CCNB3: variants seen among roughly 807,000 people sequenced by gnomAD.
CCNB3 encodes G2/mitotic-specific cyclin-B3.
CCNB3 carries 12 observed loss-of-function variants against 68.0 expected under a neutral mutation model. The observed-to-expected ratio is 0.18, with a 90% confidence interval of 0.11 to 0.29. The LOEUF (loss-of-function observed/expected upper bound fraction) is 0.29. Among genes scored for constraint, CCNB3 ranks in the 10% least tolerant of loss-of-function variants. The pLI, the probability that CCNB3 is intolerant of heterozygous loss-of-function variation, is 1.00. For synonymous variants in CCNB3, 354 were observed against 388.9 expected (o/e 0.91, Z 1.06); for missense variants, 904 against 993.1 (o/e 0.91, Z 1.21).
intron 11 of CCNB3, among the ~76,000 whole-genome samples, chrX:50,350,805 C>T (rs186152601): frequency 2.9e-4 from 32 of 110,054 alleles, no homozygotes; most frequent in African/African-American, 1.0e-3. Context: ...AAGCAATCCT[C>T]CTGCCTCAGC....
intron 4 of CCNB3, among the ~76,000 whole-genome samples, chrX:50,293,947 C>T (rs1158239977): frequency 7.2e-5 from 8 of 110,484 alleles, no homozygotes; most frequent in Non-Finnish European, 1.3e-4. Context: ...ATTTTTAAAA[C>T]TTTTTTGAGA....
chrX:50,288,938 A>G (rs1455711301), intron 4 of CCNB3, 51 bp downstream of exon 4: 1 of 843,190 alleles, frequency 1.2e-6, no homozygotes, highest in African/African-American at 2.0e-5. Flanking sequence ...AGGCTTAGAC[A>G]TGCTGTTTCT....
At position 50,309,178 on chromosome X, in the gene CCNB3, C is replaced by T; in HGVS notation, c.1009C>T (p.His337Tyr). 8.3e-7 allele frequency: 1 copy of T among 1,210,296 alleles called. No homozygotes were observed. Among genetic ancestry groups the T allele is most frequent in the South Asian group, 1.8e-5 (1 of 56,853 alleles). Residue 337 changes from histidine (H) to tyrosine (Y), a missense_variant, in exon 6 of 13, where the codon CAC (histidine) becomes TAC (tyrosine). Physicochemically the swap from His to Tyr is moderately conservative, Grantham distance 83. Coordinates refer to ENST00000376042, the MANE Select transcript of CCNB3 (RefSeq NM_033031.3). ...AGAGCTATCTGTATTGCAAGAGAAA[C>T]ACACCACTGAGCATGAGATGTCCAT... ...FQELSVLQEKHTTEHEMSILK... is the reference protein window; with the variant it reads ...FQELSVLQEKYTTEHEMSILK...
At chrX:50,280,776 T>C (rs1936123197) in intron 1 of CCNB3, among the ~76,000 whole-genome samples, 2 of 110,914 alleles carry the variant, frequency 1.8e-5, no homozygotes, top group African/African-American at 6.5e-5. Context: ...TTTTATTTTT[T>C]TGAGACAGGG....
intron 1 of CCNB3, among the ~76,000 whole-genome samples, chrX:50,279,572 CT>C (rs1271097289): frequency 8.4e-5 from 7 of 83,822 alleles, no homozygotes; most frequent in Non-Finnish European, 1.1e-4. Flanking sequence ...TATATATTTT[CT>C]ATATATAAAT....
chrX:50,226,911 A>G (rs1325911073), intron 1 of CCNB3, among the ~76,000 whole-genome samples: 2 of 55,808 alleles, frequency 3.6e-5, no homozygotes, highest in East Asian at 4.4e-4. Context: ...TAGAATATAT[A>G]GTATATATAT....
intron 8 of CCNB3, among the ~76,000 whole-genome samples, chrX:50,324,868 G>T (rs1405715436): frequency 9.0e-6 from 1 of 110,513 alleles, no homozygotes; most frequent in African/African-American, 3.3e-5. Flanking sequence ...CTTCGACCCT[G>T]TTTTTTGTTG....
At chrX:50,227,231 TAAATATATATATACA>T (rs1935878559) in intron 1 of CCNB3, among the ~76,000 whole-genome samples, 1 of 82,148 alleles carries the variant, frequency 1.2e-5, no homozygotes, top group Admixed American at 1.7e-4. Flanking sequence ...AATATATATA[TAAATATATATATACA>T]GAATATATAT....
intron 1 of CCNB3, among the ~76,000 whole-genome samples, chrX:50,218,457 G>A (rs901840197): frequency 4.7e-4 from 52 of 110,896 alleles, no homozygotes; most frequent in African/African-American, 1.6e-3. Flanking sequence ...ACTGGCCCGG[G>A]TGTGTGATGT....
chrX:50,341,190 C>T lies in CCNB3; in HGVS notation c.3517-1012C>T, dbSNP rs180748435. Among the ~76,000 whole-genome samples the T allele has an allele frequency of 6.7e-3, 727 of 109,282 alleles. 7 individuals are homozygous for T. Among genetic ancestry groups the T allele is most frequent in the African/African-American group, 0.023 (701 of 30,094 alleles). The allele number at this position is 109,282 out of a possible 115,157, so 94.9% of individuals were successfully genotyped here. On this transcript the variant is annotated intron_variant, in intron 8 of 12. Transcript: ENST00000376042. ...CTAAAAATACAAAAAATTAGCCGGGCGTGGTGGCGGATGCCTGTAGTCCCG... is the reference window on the plus strand; with the variant it reads ...CTAAAAATACAAAAAATTAGCCGGGTGTGGTGGCGGATGCCTGTAGTCCCG...
intron 5 of CCNB3, among the ~76,000 whole-genome samples, chrX:50,300,757 A>C (rs1243728642): frequency 1.8e-5 from 2 of 111,757 alleles, no homozygotes; most frequent in East Asian, 5.6e-4. Context: ...TCTCCCTGTC[A>C]CTTTCAGGTA....
At chrX:50,212,250 A>G (rs1935495659) in intron 1 of CCNB3, among the ~76,000 whole-genome samples, 1 of 112,105 alleles carries the variant, frequency 8.9e-6, no homozygotes, top group East Asian at 2.8e-4. Context: ...GTTCATATAT[A>G]CTAGTAAATC....
chrX:50,298,763 G>A (rs1936545055), intron 5 of CCNB3, among the ~76,000 whole-genome samples: 1 of 111,027 alleles, frequency 9.0e-6, no homozygotes, highest in South Asian at 3.8e-4. Context: ...ATCTGGTCCT[G>A]GACTTTTTTT....
chrX:50,298,527 C>G (rs148065779), intron 5 of CCNB3, among the ~76,000 whole-genome samples: 12,559 of 111,038 alleles, frequency 0.11, 1,751 homozygotes, highest in African/African-American at 0.39. Context: ...TGCTGGATTC[C>G]TTTTGCCAGT....
intron 8 of CCNB3, among the ~76,000 whole-genome samples, chrX:50,318,929 G>A (rs1014523039): frequency 9.0e-6 from 1 of 111,447 alleles, no homozygotes; most frequent in African/African-American, 3.3e-5. Flanking sequence ...TAAAATTTTG[G>A]GCACTGAGTG....
rs1192898419 is a variant in CCNB3 at position 50,227,748 on chromosome X, TAG to T, written c.-113+22804_-113+22805del. On this transcript the variant is annotated intron_variant, in intron 1 of 12. Coordinates refer to ENST00000376042, the MANE Select transcript of CCNB3 (RefSeq NM_033031.3). ...GAGAGATAATATATATAAATATGTA[TAG>T]AGAGAATATATATAAATATATATAG... is the stretch of plus-strand genomic sequence containing the variant. Among the ~76,000 whole-genome samples the T allele has an allele frequency of 7.2e-4, 51 of 70,416 alleles. 1 individual carries two copies. The highest frequency in any genetic ancestry group is 2.8e-3 in the African/African-American group (50 of 18,170). The allele number at this position is 70,416 out of a possible 115,157, so 61.1% of individuals were successfully genotyped here. A position where few individuals can be genotyped will look rare whatever the true frequency, so the allele number is the denominator to read the frequency against.
chrX:50,213,912 C>T (rs1935522206), intron 1 of CCNB3, among the ~76,000 whole-genome samples: 1 of 111,505 alleles, frequency 9.0e-6, no homozygotes, highest in African/African-American at 3.3e-5. Context: ...ATACAAAGAA[C>T]TGCATATATT....
At chrX:50,325,637 T>C (rs1179543550) in intron 8 of CCNB3, among the ~76,000 whole-genome samples, 1 of 112,366 alleles carries the variant, frequency 8.9e-6, no homozygotes, top group Non-Finnish European at 1.9e-5. Flanking sequence ...TGAGCACCTA[T>C]GTGACCTCTA....
At chrX:50,324,571 A>G (rs1339690527) in intron 8 of CCNB3, among the ~76,000 whole-genome samples, 1 of 112,250 alleles carries the variant, frequency 8.9e-6, no homozygotes, top group East Asian at 2.8e-4. Context: ...TTTTCAAAGA[A>G]CCAGCTCATG....
Sources: allele counts gnomAD v4.1 joint callset (sites outside exome capture counted in the v4.1 genomes callset), GRCh38; gene constraint gnomAD v4.1.1; transcripts MANE v1.5; gene names NCBI Gene and HGNC (gene_info 2026-07-23, HGNC 2026-07-21).